TRIP12: variants seen among roughly 807,000 people sequenced by gnomAD.
TRIP12 encodes E3 ubiquitin-protein ligase TRIP12.
Under a neutral mutation model 244.2 loss-of-function variants are expected in TRIP12, and 25 were observed. The ratio of observed to expected loss-of-function variants is 0.10; its 90% CI spans 0.07 to 0.14. The LOEUF is 0.14. Ranked by LOEUF, TRIP12 falls within the 10% of genes least tolerant of loss-of-function variation. The probability of loss-of-function intolerance (pLI) is 1.00; values close to 1 mark genes in which losing one functional copy is unlikely to be tolerated. For synonymous variants in TRIP12, 905 were observed against 873.1 expected (o/e 1.04, Z -0.64); for missense variants, 1,677 against 2,486.4 (o/e 0.67, Z 6.92).
At chr2:229,870,561 T>C (rs2062380329) in intron 2 of TRIP12, among the ~76,000 whole-genome samples, 1 of 152,186 alleles carries the variant, frequency 6.6e-6, no homozygotes, top group African/African-American at 2.4e-5. Flanking sequence ...AACTTTTGAA[T>C]GGATCTTGAA....
intron 4 of TRIP12, among the ~76,000 whole-genome samples, chr2:229,847,092 TA>T (rs1356966418): frequency 3.3e-5 from 5 of 152,200 alleles, no homozygotes; most frequent in Non-Finnish European, 7.4e-5. Flanking sequence ...TGTCAATATC[TA>T]AAAAGAATAT....
intron 4 of TRIP12, among the ~76,000 whole-genome samples, chr2:229,848,964 G>A (rs2058111426): frequency 6.6e-6 from 1 of 152,132 alleles, no homozygotes; most frequent in South Asian, 2.1e-4. Context: ...TTTCCTTAGA[G>A]TCAAGAAGAA....
intron 2 of TRIP12, among the ~76,000 whole-genome samples, chr2:229,865,346 A>AAAAAC (rs2061349750): frequency 5.9e-5 from 2 of 33,660 alleles, no homozygotes; most frequent in Admixed American, 3.5e-4. Context: ...AAAAAAAAGA[A>AAAAAC]AGAAAGAAAG....
intron 9 of TRIP12, among the ~76,000 whole-genome samples, chr2:229,815,966 T>C (rs2048392805): frequency 6.6e-6 from 1 of 152,214 alleles, no homozygotes; most frequent in Non-Finnish European, 1.5e-5. Context: ...ATTTCAGGTA[T>C]GTTTTTCTAA....
chr2:229,846,273 G>A (rs940845934), intron 4 of TRIP12, among the ~76,000 whole-genome samples: 3 of 151,572 alleles, frequency 2.0e-5, no homozygotes, highest in African/African-American at 7.3e-5. Flanking sequence ...GTCAATCAAC[G>A]CTGCAAACTT....
At chr2:229,807,552 G>GA in intron 17 of TRIP12, 156 bp downstream of exon 17, 1 of 929,928 alleles carries the variant, frequency 1.1e-6, no homozygotes, top group Admixed American at 1.9e-5. Flanking sequence ...GACCTGAACA[G>GA]AAATGAGGAC....
At chr2:229,821,419 G>A (rs543269861) in intron 8 of TRIP12, among the ~76,000 whole-genome samples, 9 of 152,254 alleles carry the variant, frequency 5.9e-5, no homozygotes, top group East Asian at 1.9e-4. Context: ...GCAGGAAAAC[G>A]TTCTCTTTCA....
At chr2:229,854,237 G>A (rs1341654109) in intron 4 of TRIP12, among the ~76,000 whole-genome samples, 2 of 151,984 alleles carry the variant, frequency 1.3e-5, no homozygotes, top group African/African-American at 4.8e-5. Flanking sequence ...CTATGTCCAC[G>A]TGTATACATT....
intron 6 of TRIP12, among the ~76,000 whole-genome samples, chr2:229,835,098 CTAAA>C (rs887530931): frequency 1.3e-5 from 2 of 152,160 alleles, no homozygotes; most frequent in African/African-American, 4.8e-5. Flanking sequence ...CGTAAAGCTG[CTAAA>C]TAATTAGCTT....
intron 4 of TRIP12, among the ~76,000 whole-genome samples, chr2:229,841,544 T>A (rs373497500): frequency 6.6e-6 from 1 of 152,298 alleles, no homozygotes; most frequent in East Asian, 1.9e-4. Flanking sequence ...AAATGGTGTA[T>A]CAATTAAGTA....
chr2:229,837,053 AG>A, intron 5 of TRIP12, 69 bp from the exon 6 acceptor site: 1 of 1,360,262 alleles, frequency 7.4e-7, no homozygotes, highest in Non-Finnish European at 9.5e-7. Flanking sequence ...CACAACACAA[AG>A]CTCAAATTCA....
At chr2:229,781,920 G>A (rs1226376994) in intron 34 of TRIP12, among the ~76,000 whole-genome samples, 2 of 152,080 alleles carry the variant, frequency 1.3e-5, no homozygotes, top group African/African-American at 2.4e-5. Flanking sequence ...TGAAGGAAGG[G>A]CATAAAATCT....
chr2:229,887,765 G>A (rs1168446620), intron 1 of TRIP12, among the ~76,000 whole-genome samples: 1 of 152,214 alleles, frequency 6.6e-6, no homozygotes, highest in Admixed American at 6.5e-5. Context: ...CCTAGGAAAT[G>A]CTACATCAGA....
Position 229,791,999 on chromosome 2 carries a change from G to A in TRIP12, c.4282C>T (p.Leu1428=). Residue 1428 remains leucine, a synonymous_variant, in exon 29 of 42, where the codon CTG becomes TTG. Transcript: ENST00000675903. The stretch of plus-strand genomic sequence containing the variant: ...TGATACACAGTCATGTTATACGGCA[G>A]CAAATGTTCTCCAATATAAAACTGC... ...RLQFYIGEHL[L]PYNMTVYQAV... is the part of the protein sequence containing the mutation. The A allele has an allele frequency of 6.2e-7, 1 of 1,614,098 alleles. No homozygotes were observed. Among genetic ancestry groups the A allele is most frequent in the Non-Finnish European group, 8.5e-7 (1 of 1,179,990 alleles).
chr2:229,869,300 C>G (rs1373774189), intron 2 of TRIP12, among the ~76,000 whole-genome samples: 2 of 152,190 alleles, frequency 1.3e-5, no homozygotes, highest in Admixed American at 1.3e-4. Flanking sequence ...AAACAAATAT[C>G]CTTTTCTAAC....
At chr2:229,808,190 A>T (rs1028534190) in intron 16 of TRIP12, 62 bp downstream of exon 16, 28 of 1,227,614 alleles carry the variant, frequency 2.3e-5, no homozygotes, top group Middle Eastern at 1.9e-4. Context: ...CTGGTCTCGA[A>T]CTCCTGACCT....
intron 2 of TRIP12, among the ~76,000 whole-genome samples, chr2:229,866,049 G>T (rs1464714892): frequency 6.6e-6 from 1 of 152,130 alleles, no homozygotes; most frequent in Admixed American, 6.5e-5. Context: ...AGGTAAAGAT[G>T]AGCAACATAC....
chr2:229,831,435 G>C (rs776168409), intron 6 of TRIP12, among the ~76,000 whole-genome samples: 4 of 152,132 alleles, frequency 2.6e-5, no homozygotes, highest in African/African-American at 9.7e-5. Context: ...AACACTTTGC[G>C]GACCATGGCA....
intron 4 of TRIP12, among the ~76,000 whole-genome samples, chr2:229,856,663 CACTGGCTGTGAATATTACATAGCAGG>C (rs1359643269): frequency 6.6e-6 from 1 of 151,572 alleles, no homozygotes; most frequent in Admixed American, 6.6e-5. Context: ...CAACCTGGCT[CACTGGCTGTGAATATTACATAGCAGG>C]ACTGACAGAC....
Sources: allele counts gnomAD v4.1 joint callset (sites outside exome capture counted in the v4.1 genomes callset), GRCh38; gene constraint gnomAD v4.1.1; transcripts MANE v1.5; gene names NCBI Gene and HGNC (gene_info 2026-07-23, HGNC 2026-07-21).